BCAS3: variants seen among roughly 807,000 people sequenced by gnomAD.
BCAS3 encodes the protein BCAS3 microtubule associated cell migration factor, also known as BCAS4/BCAS3 fusion.
A neutral mutation model predicts 116.1 loss-of-function variants in BCAS3; 53 were observed. The observed-to-expected ratio is 0.46, with a 90% CI of 0.37 to 0.57. The LOEUF is 0.57. Among genes scored for constraint, BCAS3 ranks in the 20% least tolerant of loss-of-function variants. The probability of loss-of-function intolerance (pLI) is 0.00; values close to 1 mark genes in which losing one functional copy is unlikely to be tolerated. For missense variants in BCAS3, 917 were observed against 1,165.4 expected (o/e 0.79, Z 3.10); for synonymous variants, 391 against 408.2 (o/e 0.96, Z 0.51).
chr17:60,745,310 T>C (rs1482183786), intron 5 of BCAS3, among the ~76,000 whole-genome samples: 1 of 151,946 alleles, frequency 6.6e-6, no homozygotes, highest in Non-Finnish European at 1.5e-5. Flanking sequence ...TGGGTAACAC[T>C]TATCTGTTAC....
Position 61,355,389 on chromosome 17 carries a change from C to G in BCAS3, c.2426-12938C>G, listed in dbSNP as rs575251762. On this transcript the variant is annotated intron_variant, in intron 22 of 23. Transcript: ENST00000407086. The surrounding 1 kb of genome is among the most constrained non-coding windows in gnomAD (Gnocchi z 4.2). ...TTTAGCTGGGTTGCTCCCTCCACCC[C>G]CTACCACCCAACTGCAAGAACACTT... Among the ~76,000 whole-genome samples the G allele has an allele frequency of 1.8e-4, 28 of 152,184 alleles. No homozygotes were observed. The highest frequency in any genetic ancestry group is 6.5e-4 in the African/African-American group (27 of 41,520).
At position 60,962,953 on chromosome 17, in the gene BCAS3, A is replaced by G. The variant is rs906424969; in HGVS notation, c.1221+15601A>G. 2.6e-5 allele frequency among the ~76,000 whole-genome samples: 4 copies of G among 152,202 alleles called. No homozygotes were observed. Among genetic ancestry groups the G allele is most frequent in the Non-Finnish European group, 5.9e-5 (4 of 68,034 alleles). On this transcript the variant is annotated intron_variant, in intron 14 of 23. Coordinates refer to ENST00000407086, the MANE Select transcript of BCAS3 (RefSeq NM_017679.5). The surrounding 1 kb of genome is among the most constrained non-coding windows in gnomAD (Gnocchi z 4.4). Reference sequence around the variant, plus strand: ...TAGAGGTCTAGTTTCATTCTTCTGCATAGCTATCCAGTTATCCCACCACCA... The same window carrying G: ...TAGAGGTCTAGTTTCATTCTTCTGCGTAGCTATCCAGTTATCCCACCACCA...
chr17:60,811,282 C>G lies in BCAS3; in HGVS notation c.476+3206C>G, dbSNP rs932659497. ...AGGAGGCCCTGCTGAACATCAAGGT[C>G]AAGCTGGAGACTGAGATCACCACCT... On this transcript the variant is annotated intron_variant, in intron 7 of 23. Coordinates refer to ENST00000407086, the MANE Select transcript of BCAS3 (RefSeq NM_017679.5). The G allele has an allele frequency of 5.5e-6, 5 of 914,874 alleles. No individual in the cohort carries two copies. The African/African-American group carries it at 8.1e-5, about 15-fold the overall frequency. The allele number at this position is 914,874 out of a possible 1,614,324, so 56.7% of individuals were successfully genotyped here.
intron 21 of BCAS3, among the ~76,000 whole-genome samples, chr17:61,080,087 T>A (rs2072435575): frequency 6.6e-6 from 1 of 151,650 alleles, no homozygotes; most frequent in African/African-American, 2.4e-5. Context: ...GTGTTTTTAG[T>A]AGAGATGGAG....
intron 4 of BCAS3, among the ~76,000 whole-genome samples, chr17:60,706,905 C>T (rs1254632663): frequency 6.6e-6 from 1 of 150,750 alleles, no homozygotes; most frequent in Non-Finnish European, 1.5e-5. Context: ...TCCTTGACCT[C>T]CCGGGCTCAA....
In BCAS3 at chr17:61,151,803, A is replaced by G. The variant is rs970627020; in HGVS notation, c.2425+67239A>G. Among the ~76,000 whole-genome samples, 4 of 152,174 alleles carry G rather than the reference A, an allele frequency of 2.6e-5. No homozygotes were observed. Among genetic ancestry groups the G allele is most frequent in the African/African-American group, 9.7e-5 (4 of 41,442 alleles). ...CTGTTGTATGCCAGGTGCTCTTGGC[A>G]AGGTCTCTGGATACAGTGTTGATGA... On this transcript the variant is annotated intron_variant, in intron 22 of 23. Transcript: ENST00000407086. The surrounding 1 kb of genome is among the most constrained non-coding windows in gnomAD (Gnocchi z 4.8).
At chr17:61,146,400 A>C (rs1044220558) in intron 22 of BCAS3, among the ~76,000 whole-genome samples, 2 of 151,764 alleles carry the variant, frequency 1.3e-5, no homozygotes, top group Admixed American at 6.6e-5. Context: ...TACAGGTGTG[A>C]GCCACTGTAA....
chr17:60,689,198 G>C (rs745368455), intron 3 of BCAS3, among the ~76,000 whole-genome samples: 29 of 152,166 alleles, frequency 1.9e-4, no homozygotes, highest in Non-Finnish European at 4.0e-4. Context: ...GTGGGGGACA[G>C]AGTCTTGCTC....
chr17:60,948,876 C>CTT (rs773939823), intron 14 of BCAS3, among the ~76,000 whole-genome samples: 1 of 144,164 alleles, frequency 6.9e-6, no homozygotes. Flanking sequence ...TTGAAATATT[C>CTT]TTTTTTTTTT....
At chr17:61,271,423 G>GCTTTTTTTTTTTTTTT (rs1428434597) in intron 22 of BCAS3, among the ~76,000 whole-genome samples, 2 of 6,108 alleles carry the variant, frequency 3.3e-4, no homozygotes, top group African/African-American at 6.1e-4. Flanking sequence ...ACCATGCCCG[G>GCTTTTTTTTTTTTTTT]ATTTTTTTTT....
intron 7 of BCAS3, among the ~76,000 whole-genome samples, chr17:60,857,119 T>A (rs1295113531): frequency 6.6e-6 from 1 of 152,234 alleles, no homozygotes; most frequent in Non-Finnish European, 1.5e-5. Flanking sequence ...AAAAGGTCAG[T>A]TAAAGAGAAT....
intron 15 of BCAS3, among the ~76,000 whole-genome samples, chr17:61,009,285 C>A (rs1346552074): frequency 6.6e-6 from 1 of 152,038 alleles, no homozygotes; most frequent in East Asian, 1.9e-4. Flanking sequence ...TACTCTAATA[C>A]TATACTTACC....
Position 61,281,282 on chromosome 17 carries a change from T to C in BCAS3, c.2426-87045T>C. 6.6e-6 allele frequency among the ~76,000 whole-genome samples: 1 copy of C among 152,236 alleles called. No individual in the cohort carries two copies. Among genetic ancestry groups the C allele is most frequent in the East Asian group, 1.9e-4 (1 of 5,200 alleles). ...CAATCTTTTGTCATTATAAACAGTG[T>C]TAAAGTAAATATTTTATATCTTAGG... On this transcript the variant is annotated intron_variant, in intron 22 of 23. Transcript: ENST00000407086. This position sits in a 1 kb window ranked among gnomAD's most constrained non-coding sequence, Gnocchi z 4.2.
Position 61,324,970 on chromosome 17 carries a change from T to C in BCAS3, c.2426-43357T>C, listed in dbSNP as rs1401728664. Among the ~76,000 whole-genome samples, 5 of 152,214 alleles carry C rather than the reference T, an allele frequency of 3.3e-5. No homozygotes were observed. The highest frequency in any genetic ancestry group is 7.2e-5 in the African/African-American group (3 of 41,456). ...GCTAGAGGAGAAAGAGGAAACAGTTTAAAAATTAAGTTAGAGAGTTCTTGC... is the reference window on the plus strand; with the variant it reads ...GCTAGAGGAGAAAGAGGAAACAGTTCAAAAATTAAGTTAGAGAGTTCTTGC... On this transcript the variant is annotated intron_variant, in intron 22 of 23. Transcript: ENST00000407086. This position sits in a 1 kb window ranked among gnomAD's most constrained non-coding sequence, Gnocchi z 4.6.
Position 61,229,450 on chromosome 17 carries a change from G to C in BCAS3, c.2426-138877G>C, listed in dbSNP as rs1029242011. Among the ~76,000 whole-genome samples, 5 of 152,216 alleles carry C rather than the reference G, an allele frequency of 3.3e-5. No homozygotes were observed. The highest frequency in any genetic ancestry group is 1.2e-4 in the African/African-American group (5 of 41,452). On this transcript the variant is annotated intron_variant, in intron 22 of 23. Coordinates refer to ENST00000407086, the MANE Select transcript of BCAS3 (RefSeq NM_017679.5). This position sits in a 1 kb window ranked among gnomAD's most constrained non-coding sequence, Gnocchi z 4.4. ...ATGCTAAACAACAGATATCGATGTAGACAGAACAGCCTTCTATTGGAAGAA... is the reference window on the plus strand; with the variant it reads ...ATGCTAAACAACAGATATCGATGTACACAGAACAGCCTTCTATTGGAAGAA...
intron 14 of BCAS3, among the ~76,000 whole-genome samples, chr17:60,977,658 C>T (rs1428147147): frequency 6.7e-6 from 1 of 148,970 alleles, no homozygotes; most frequent in Non-Finnish European, 1.5e-5. Flanking sequence ...CCCGCTCCCC[C>T]CACCCCACAA....
At chr17:61,230,810 C>G (rs1269252562) in intron 22 of BCAS3, among the ~76,000 whole-genome samples, 1 of 152,052 alleles carries the variant, frequency 6.6e-6, no homozygotes, top group African/African-American at 2.4e-5. Flanking sequence ...TATATATACC[C>G]ATAATGGGAT....
At chr17:60,823,690 T>G (rs2050147019) in intron 7 of BCAS3, among the ~76,000 whole-genome samples, 1 of 152,224 alleles carries the variant, frequency 6.6e-6, no homozygotes, top group Admixed American at 6.5e-5. Context: ...CTAGGAAGTT[T>G]CGTCATCTCC....
intron 22 of BCAS3, among the ~76,000 whole-genome samples, chr17:61,331,536 T>C (rs1602742645): frequency 6.6e-6 from 1 of 152,130 alleles, no homozygotes; most frequent in East Asian, 1.9e-4. Context: ...CTCATGCCTG[T>C]AATCTCAGCA....
Sources: allele counts gnomAD v4.1 joint callset (sites outside exome capture counted in the v4.1 genomes callset), GRCh38; gene constraint gnomAD v4.1.1; non-coding constraint Gnocchi (gnomAD v3.1); transcripts MANE v1.5; gene names NCBI Gene and HGNC (gene_info 2026-07-23, HGNC 2026-07-21).